CCSER1: variants seen among roughly 807,000 people sequenced by gnomAD.
CCSER1 encodes the protein serine-rich coiled-coil domain-containing protein 1.
CCSER1 carries 41 observed loss-of-function variants against 82.0 expected under a neutral mutation model. That is an observed-to-expected ratio of 0.50 (90% CI 0.39 to 0.65). The LOEUF (loss-of-function observed/expected upper bound fraction) is 0.65. CCSER1 is among the 30% of genes least tolerant of loss of function. The pLI is 0.00. For synonymous variants in CCSER1, 414 were observed against 383.9 expected, an observed-to-expected ratio of 1.08 and a Z score of -0.92; for missense variants, 1,119 against 1,064.2, an observed-to-expected ratio of 1.05 and a Z score of -0.72.
intron 9 of CCSER1, among the ~76,000 whole-genome samples, chr4:90,946,285 T>C (rs917507576): frequency 2.0e-5 from 3 of 152,188 alleles, no homozygotes; most frequent in South Asian, 2.1e-4. Context: ...TATTGACTTA[T>C]GTAATCTTAA....
chr4:90,930,986 A>C (rs961480662), intron 9 of CCSER1, among the ~76,000 whole-genome samples: 1 of 146,430 alleles, frequency 6.8e-6, no homozygotes, highest in Non-Finnish European at 1.5e-5. Flanking sequence ...GTACATATAT[A>C]TTGACATACA....
intron 10 of CCSER1, among the ~76,000 whole-genome samples, chr4:91,350,042 T>C (rs904122402): frequency 1.3e-5 from 2 of 152,170 alleles, no homozygotes; most frequent in African/African-American, 4.8e-5. Flanking sequence ...TGTTTTTTCA[T>C]TGTAGTGAGA....
At chr4:91,126,047 G>A (rs920850545) in intron 10 of CCSER1, among the ~76,000 whole-genome samples, 3 of 151,192 alleles carry the variant, frequency 2.0e-5, no homozygotes, top group African/African-American at 7.3e-5. Flanking sequence ...TTACTCACAG[G>A]GGAAAAAAGT....
At chr4:90,572,010 A>C (rs191005937) in intron 5 of CCSER1, among the ~76,000 whole-genome samples, 103 of 152,198 alleles carry the variant, frequency 6.8e-4, no homozygotes, top group Non-Finnish European at 1.3e-3. Context: ...ACTCATTGGC[A>C]TTTTCTTTCA....
At chr4:90,715,350 A>G (rs985518994) in intron 6 of CCSER1, among the ~76,000 whole-genome samples, 2 of 151,976 alleles carry the variant, frequency 1.3e-5, no homozygotes, top group Admixed American at 1.3e-4. Flanking sequence ...TTCTTCTGTG[A>G]GATTCACTCT....
At chr4:90,976,710 G>T (rs1032134208) in intron 9 of CCSER1, among the ~76,000 whole-genome samples, 1 of 151,430 alleles carries the variant, frequency 6.6e-6, no homozygotes, top group Admixed American at 6.6e-5. Flanking sequence ...AAATAAAAAT[G>T]AAGGAAATGT....
intron 10 of CCSER1, among the ~76,000 whole-genome samples, chr4:91,110,472 TACTC>T (rs1473023624): frequency 6.6e-6 from 1 of 152,064 alleles, no homozygotes; most frequent in Non-Finnish European, 1.5e-5. Context: ...GTAGACATTC[TACTC>T]ACTAAGTGTA....
chr4:90,749,299 T>C (rs1309904291), intron 7 of CCSER1, among the ~76,000 whole-genome samples: 1 of 151,982 alleles, frequency 6.6e-6, no homozygotes, highest in Admixed American at 6.6e-5. Flanking sequence ...TAGGAAATCC[T>C]TTCCCCATTG....
chr4:91,582,731 A>G (rs1019616855), intron 10 of CCSER1, among the ~76,000 whole-genome samples: 3 of 151,394 alleles, frequency 2.0e-5, no homozygotes, highest in Non-Finnish European at 4.4e-5. Flanking sequence ...TTATCTGTCT[A>G]TCAATCAATC....
intron 10 of CCSER1, among the ~76,000 whole-genome samples, chr4:91,335,121 ATTCTCCAGGCTC>A: frequency 6.6e-6 from 1 of 152,174 alleles, no homozygotes; most frequent in Middle Eastern, 3.4e-3. Flanking sequence ...TGGAGCCTGG[ATTCTCCAGGCTC>A]TTTATAGATT....
At chr4:91,558,693 C>T (rs1266078832) in intron 10 of CCSER1, among the ~76,000 whole-genome samples, 1 of 151,464 alleles carries the variant, frequency 6.6e-6, no homozygotes, top group Non-Finnish European at 1.5e-5. Context: ...GAGAAAGAAG[C>T]AAAGTTGGAA....
chr4:91,591,174 C>A (rs1018602727), intron 10 of CCSER1, among the ~76,000 whole-genome samples: 1 of 151,968 alleles, frequency 6.6e-6, no homozygotes, highest in Non-Finnish European at 1.5e-5. Flanking sequence ...GTCCCAAAAA[C>A]AAGGCAATAA....
At chr4:90,262,035 C>T (rs937241144) in intron 1 of CCSER1, among the ~76,000 whole-genome samples, 3 of 151,814 alleles carry the variant, frequency 2.0e-5, no homozygotes, top group African/African-American at 4.8e-5. Context: ...TTGATTTTCA[C>T]CTTTCTCTGG....
intron 10 of CCSER1, among the ~76,000 whole-genome samples, chr4:91,459,480 G>T (rs1756380042): frequency 6.6e-6 from 1 of 152,104 alleles, no homozygotes; most frequent in Admixed American, 6.6e-5. Flanking sequence ...GGTATGTGAA[G>T]ACTGCCAAGT....
intron 9 of CCSER1, among the ~76,000 whole-genome samples, chr4:91,056,455 G>T (rs1009312985): frequency 6.6e-5 from 10 of 152,042 alleles, no homozygotes; most frequent in African/African-American, 2.2e-4. Context: ...TTCTTTCTTT[G>T]CCCTGTCCAA....
At chr4:91,145,293 G>C (rs1284794167) in intron 10 of CCSER1, among the ~76,000 whole-genome samples, 1 of 151,578 alleles carries the variant, frequency 6.6e-6, no homozygotes, top group Non-Finnish European at 1.5e-5. Context: ...CTCTTTTTTT[G>C]TTATCCATTT....
chr4:90,867,701 C>A (rs970611132), intron 8 of CCSER1, among the ~76,000 whole-genome samples: 6 of 152,046 alleles, frequency 3.9e-5, no homozygotes, highest in African/African-American at 1.2e-4. Context: ...CCTCCACTAG[C>A]CTTTCCAGCC....
chr4:91,323,150 C>T, intron 10 of CCSER1, among the ~76,000 whole-genome samples: 1 of 152,066 alleles, frequency 6.6e-6, no homozygotes, highest in East Asian at 1.9e-4. Flanking sequence ...AGGAAGATAC[C>T]CAACCAGGCT....
intron 10 of CCSER1, among the ~76,000 whole-genome samples, chr4:91,436,723 G>A (rs574435306): frequency 2.0e-5 from 3 of 152,178 alleles, no homozygotes; most frequent in Non-Finnish European, 4.4e-5. Flanking sequence ...GAAACCATGA[G>A]TGGAGCTCAG....
Sources: allele counts gnomAD v4.1 joint callset (sites outside exome capture counted in the v4.1 genomes callset), GRCh38; gene constraint gnomAD v4.1.1; transcripts MANE v1.5; gene names NCBI Gene and HGNC (gene_info 2026-07-23, HGNC 2026-07-21).